The following UXS1 variants were observed in gnomAD, a reference collection of about 807,000 sequenced individuals.
UXS1 encodes UDP-glucuronate decarboxylase 1, also known as UDP-glucuronic acid decarboxylase 1.
A neutral mutation model predicts 62.6 loss-of-function variants in UXS1; 33 were observed. The ratio of observed to expected loss-of-function variants is 0.53; its 90% confidence interval spans 0.40 to 0.70. The LOEUF (loss-of-function observed/expected upper bound fraction) is 0.70, where lower values mean the gene tolerates loss of function less well. UXS1 is among the 30% of genes least tolerant of loss of function. UXS1 has a pLI of 0.00. For synonymous variants in UXS1, 213 were observed against 206.8 expected, an observed-to-expected ratio of 1.03 and a Z score of -0.26; for missense variants, 434 against 556.3, an observed-to-expected ratio of 0.78 and a Z score of 2.21.
At chr2:106,145,449 C>G (rs1397179538) in intron 5 of UXS1, 79 bp from the exon 6 acceptor site, 19 of 1,473,832 alleles carry the variant, frequency 1.3e-5, no homozygotes, top group Non-Finnish European at 1.7e-5. Context: ...CACGGAGAGA[C>G]ATCTCTGGTG....
intron 6 of UXS1, chr2:106,138,495 A>G (rs751456037): frequency 7.0e-5 from 69 of 985,320 alleles, no homozygotes; most frequent in Non-Finnish European, 8.3e-5. Flanking sequence ...CTCACCCTTC[A>G]GGATTTCCAG....
intron 1 of UXS1, among the ~76,000 whole-genome samples, chr2:106,187,010 G>T (rs1684600592): frequency 6.6e-6 from 1 of 151,610 alleles, no homozygotes; most frequent in South Asian, 2.1e-4. Flanking sequence ...TGAAGGTGAA[G>T]TACTGTTACG....
In UXS1 at chr2:106,129,719, T is replaced by C. The variant is rs1366066360; in HGVS notation, c.532A>G (p.Ile178Val). Residue 178 changes from isoleucine (I) to valine (V), a missense_variant, in exon 7 of 15, where the codon ATC becomes GTC. Transcript: ENST00000283148. ...ASPPNYMYNP[I>V]KTLKTNTIGT... The stretch of plus-strand genomic sequence containing the variant: ...ATCGTATTGGTCTTTAATGTCTTGA[T>C]AGGATTATACATGTAGTTTGGAGGG... 1.2e-6 allele frequency: 2 copies of C among 1,612,376 alleles called. No individual in the cohort carries two copies. Among genetic ancestry groups the C allele is most frequent in the Non-Finnish European group, 1.7e-6 (2 of 1,179,206 alleles).
At position 106,164,901 on chromosome 2, in the gene UXS1, G is replaced by A. The variant is rs891855192; in HGVS notation, c.123-102C>T. 7.6e-6 allele frequency: 6 copies of A among 784,394 alleles called. No individual in the cohort carries two copies. The African/African-American group carries it at 1.1e-4, about 14-fold the overall frequency. 48.6% of individuals were successfully genotyped at this position (784,394 alleles called of 1,614,324 possible). A position where few individuals can be genotyped will look rare whatever the true frequency, so the allele number is the denominator to read the frequency against. ...CGGATGCAGACCACCTCTGTCTCCT[G>A]CTCAAGTATCAGTCATGTGTACAAT... is the stretch of plus-strand genomic sequence containing the variant. On this transcript the variant is annotated intron_variant, in intron 2 of 14. Transcript: ENST00000283148.
At chr2:106,184,425 GTTC>G (rs1225209099) in intron 1 of UXS1, among the ~76,000 whole-genome samples, 1 of 152,172 alleles carries the variant, frequency 6.6e-6, no homozygotes, top group Admixed American at 6.5e-5. Context: ...CATCAGACAT[GTTC>G]TTGACTTCTC....
chr2:106,094,965 A>G (rs1676956232), intron 14 of UXS1, among the ~76,000 whole-genome samples: 1 of 152,210 alleles, frequency 6.6e-6, no homozygotes, highest in Non-Finnish European at 1.5e-5. Context: ...ACAAGCTGTT[A>G]AACACACACA....
intron 13 of UXS1, 36 bp downstream of exon 13, chr2:106,098,680 G>A: frequency 6.4e-7 from 1 of 1,565,602 alleles, no homozygotes; most frequent in Non-Finnish European, 8.7e-7. Flanking sequence ...GGCAGGCACA[G>A]TCGATTTTAC....
At chr2:106,176,440 C>G (rs940112926) in intron 1 of UXS1, among the ~76,000 whole-genome samples, 3 of 152,174 alleles carry the variant, frequency 2.0e-5, no homozygotes, top group African/African-American at 7.2e-5. Flanking sequence ...AGATACTGCT[C>G]TGTGTTTAAT....
At chr2:106,194,301 C>CGCGGCG (rs1242896070), upstream of UXS1, 2,473 of 993,606 alleles carry the variant, frequency 2.5e-3, 5 homozygotes, top group Non-Finnish European at 2.7e-3. Context: ...CTGCACAATG[C>CGCGGCG]GCGGCGGCGG....
intron 1 of UXS1, among the ~76,000 whole-genome samples, chr2:106,175,473 G>C (rs1166568128): frequency 1.3e-5 from 2 of 152,214 alleles, no homozygotes; most frequent in African/African-American, 4.8e-5. Flanking sequence ...ACCTTGCATG[G>C]GGGGACAGAA....
At chr2:106,123,467 A>G (rs985456383) in intron 8 of UXS1, among the ~76,000 whole-genome samples, 1 of 152,222 alleles carries the variant, frequency 6.6e-6, no homozygotes, top group African/African-American at 2.4e-5. Flanking sequence ...GGAGCAAATC[A>G]TGTATTTATT....
chr2:106,155,598 T>C (rs1312625013), intron 5 of UXS1, among the ~76,000 whole-genome samples: 1 of 152,222 alleles, frequency 6.6e-6, no homozygotes, highest in Non-Finnish European at 1.5e-5. Context: ...TACAGATTTG[T>C]AGCATATGAG....
chr2:106,157,201 T>G (rs901484800), intron 5 of UXS1, among the ~76,000 whole-genome samples: 1 of 152,116 alleles, frequency 6.6e-6, no homozygotes, highest in Non-Finnish European at 1.5e-5. Flanking sequence ...GTGAATACAT[T>G]AAAAACTACT....
At chr2:106,181,960 A>C (rs1684272810) in intron 1 of UXS1, among the ~76,000 whole-genome samples, 1 of 152,236 alleles carries the variant, frequency 6.6e-6, no homozygotes, top group African/African-American at 2.4e-5. Context: ...AAGGCAAAGG[A>C]GAAATTTTTT....
Position 106,194,229 on chromosome 2 carries a change from C to T in UXS1, c.13G>A (p.Ala5Thr). 4 of 1,448,760 alleles carry T rather than the reference C, an allele frequency of 2.8e-6. No homozygotes were observed. Among genetic ancestry groups the T allele is most frequent in the East Asian group, 3.2e-5 (1 of 31,674 alleles). The allele number at this position is 1,448,760 out of a possible 1,614,324, so 89.7% of individuals were successfully genotyped here. A position where few individuals can be genotyped will look rare whatever the true frequency, so the allele number is the denominator to read the frequency against. Residue 5 changes from alanine to threonine, a missense_variant, in exon 1 of 15, where the codon GCG becomes ACG. Physicochemically the swap from Ala to Thr is moderately conservative, Grantham distance 58. Transcript: ENST00000283148. ...ACGGCAGACACGAGGCGCAGCAGCGCCTTGCTCACCATCCCCGGGAGCCGC... is the reference window on the plus strand; with the variant it reads ...ACGGCAGACACGAGGCGCAGCAGCGTCTTGCTCACCATCCCCGGGAGCCGC... MVSK[A>T]LLRLVSAVNR...
At chr2:106,155,026 G>C (rs1682326001) in intron 5 of UXS1, among the ~76,000 whole-genome samples, 1 of 152,156 alleles carries the variant, frequency 6.6e-6, no homozygotes, top group African/African-American at 2.4e-5. Context: ...TGGCAAGACA[G>C]GGAGAAGAAG....
chr2:106,138,507 C>A lies in UXS1; in HGVS notation c.472+6683G>T, dbSNP rs542789387. 1.1e-4 allele frequency: 113 copies of A among 985,422 alleles called. No individual in the cohort carries two copies. The African/African-American group carries it at 1.9e-3, about 17-fold the overall frequency. 61.0% of individuals were successfully genotyped at this position (985,422 alleles called of 1,614,324 possible). ...GGTCTCACCCTTCAGGATTTCCAGG[C>A]GGGCCTGGAAACCTTCCATTTACAA... On this transcript the variant is annotated intron_variant, in intron 6 of 14. Coordinates refer to ENST00000283148, the MANE Select transcript of UXS1 (RefSeq NM_001253875.2).
intron 12 of UXS1, among the ~76,000 whole-genome samples, chr2:106,099,132 C>T (rs926348616): frequency 1.3e-5 from 2 of 152,178 alleles, no homozygotes; most frequent in Non-Finnish European, 2.9e-5. Context: ...ATTAGCTCTC[C>T]TAACACTATC....
intron 7 of UXS1, among the ~76,000 whole-genome samples, chr2:106,129,103 T>C (rs1558705210): frequency 6.6e-6 from 1 of 152,238 alleles, no homozygotes; most frequent in Non-Finnish European, 1.5e-5. Flanking sequence ...AATATACACA[T>C]ATGACCACCA....
Sources: allele counts gnomAD v4.1 joint callset (sites outside exome capture counted in the v4.1 genomes callset), GRCh38; gene constraint gnomAD v4.1.1; transcripts MANE v1.5; gene names NCBI Gene and HGNC (gene_info 2026-07-23, HGNC 2026-07-21).